Variants in MED13 observed in about 807,000 individuals in gnomAD.
MED13 encodes mediator of RNA polymerase II transcription subunit 13.
Under a neutral mutation model 225.2 loss-of-function variants are expected in MED13, and 23 were observed. The observed-to-expected ratio is 0.10, with a 90% CI of 0.07 to 0.14. MED13 has a LOEUF of 0.14. Among genes scored for constraint, MED13 ranks in the 10% least tolerant of loss-of-function variants. The pLI is 1.00. For synonymous variants in MED13, 942 were observed against 889.2 expected (o/e 1.06, Z -1.06); for missense variants, 2,197 against 2,594.5 (o/e 0.85, Z 3.33).
intron 9 of MED13, among the ~76,000 whole-genome samples, chr17:61,999,624 T>C (rs1413642572): frequency 5.3e-5 from 8 of 152,212 alleles, no homozygotes; most frequent in Non-Finnish European, 1.2e-4. Flanking sequence ...AATTTTACTT[T>C]TACAAACATA....
At position 61,983,039 on chromosome 17, in the gene MED13, A is replaced by G. The variant is rs1452339367; in HGVS notation, c.2964T>C (p.Pro988=). 9 of 1,613,724 alleles carry G rather than the reference A, an allele frequency of 5.6e-6. No individual in the cohort carries two copies. In the South Asian group the frequency reaches 6.6e-5, roughly 12 times the overall value. ...PQTHTSFGMP[P]SSAPPSNSGA... ...CGCTGTTACTAGGAGGTGCACTGCT[A>G]GGAGGCATCCCAAAAGAAGTATGAG... The change falls in exon 16 of 30, where the codon CCT becomes CCC. Residue 988 remains proline (P), a synonymous_variant. Coordinates refer to ENST00000397786, the MANE Select transcript of MED13 (RefSeq NM_005121.3).
intron 20 of MED13, 95 bp from the exon 21 acceptor site, chr17:61,963,066 T>C (rs1178766743): frequency 3.0e-6 from 3 of 989,578 alleles, no homozygotes. Flanking sequence ...CTCCCTCTTT[T>C]TTGGTGAAAG....
intron 8 of MED13, among the ~76,000 whole-genome samples, chr17:62,018,107 T>C (rs1045136775): frequency 6.6e-6 from 1 of 152,180 alleles, no homozygotes; most frequent in Non-Finnish European, 1.5e-5. Context: ...GCTAATACAG[T>C]TGGTACCACT....
chr17:61,997,493 T>A (rs1278459720), intron 9 of MED13, among the ~76,000 whole-genome samples: 2 of 152,098 alleles, frequency 1.3e-5, no homozygotes, highest in Non-Finnish European at 2.9e-5. Flanking sequence ...TACCAAATAT[T>A]CACTAATGCA....
intron 9 of MED13, among the ~76,000 whole-genome samples, chr17:62,001,143 A>G (rs2080391195): frequency 1.3e-5 from 2 of 152,220 alleles, no homozygotes; most frequent in African/African-American, 4.8e-5. Context: ...GTTTGGTAAG[A>G]TTTAGCCTAA....
chr17:61,982,943 A>G lies in MED13; in HGVS notation c.3060T>C (p.Thr1020=). 6.2e-7 allele frequency: 1 copy of G among 1,614,088 alleles called. No individual in the cohort carries two copies. The highest frequency in any genetic ancestry group is 8.5e-7 in the Non-Finnish European group (1 of 1,180,008). ...TAGCAGGTCCACCAGCTCCACGAGG[A>G]GTCCGAGGAGTCCTTGGAGTCCTTG... ...PTPRTPRTPR[T]PRGAGGPASA... Residue 1020 remains threonine, a synonymous_variant, in exon 16 of 30, where the codon ACT becomes ACC. Transcript: ENST00000397786.
chr17:62,030,978 G>C (rs2080750002), intron 6 of MED13: 4 of 152,354 alleles, frequency 2.6e-5, no homozygotes, highest in African/African-American at 7.2e-5. Context: ...ACAGCAATGG[G>C]CTGCTCTGTT....
chr17:62,020,703 T>TTC (rs1555639939), intron 8 of MED13, among the ~76,000 whole-genome samples: 2 of 150,034 alleles, frequency 1.3e-5, no homozygotes, highest in African/African-American at 4.9e-5. Flanking sequence ...TTTTTTTTTT[T>TTC]TTTAATTGAT....
intron 12 of MED13, among the ~76,000 whole-genome samples, chr17:61,986,215 A>G (rs1293423338): frequency 1.3e-5 from 2 of 152,192 alleles, no homozygotes; most frequent in African/African-American, 2.4e-5. Context: ...ATACACAGTA[A>G]AAGTTTATGT....
At chr17:61,953,565 G>A (rs1205276581) in intron 26 of MED13, among the ~76,000 whole-genome samples, 1 of 152,204 alleles carries the variant, frequency 6.6e-6, no homozygotes, top group South Asian at 2.1e-4. Context: ...GCCAAGGAAT[G>A]CAAGTAGCCT....
At chr17:62,015,932 ATATATATATATATATATATATATTTTTTT>A (rs1567979633) in intron 8 of MED13, among the ~76,000 whole-genome samples, 1 of 7,720 alleles carries the variant, frequency 1.3e-4, no homozygotes, top group African/African-American at 2.8e-4. Flanking sequence ...ATATATATAT[ATATATATATATATATATATATATTTTTTT>A]TTTTTTTTTT....
intron 21 of MED13, 125 bp downstream of exon 21, chr17:61,962,626 TA>T: frequency 1.5e-6 from 1 of 679,192 alleles, no homozygotes; most frequent in Non-Finnish European, 2.4e-6. Context: ...GATATTAAAG[TA>T]AAATCAATAT....
At chr17:61,963,166 A>G (rs1603392390) in intron 20 of MED13, among the ~76,000 whole-genome samples, 195 bp from the exon 21 acceptor site, 2 of 149,814 alleles carry the variant, frequency 1.3e-5, no homozygotes, top group East Asian at 3.9e-4. Flanking sequence ...CAGTGTATAA[A>G]GACACTTGCC....
Position 61,992,708 on chromosome 17 carries a change from A to G in MED13, c.2182-87T>C. On this transcript the variant is annotated intron_variant, in intron 10 of 29. Transcript: ENST00000397786. ...ATTATTGAGGAGCTGTGTGTCAGGC[A>G]TCCAGCTAAGTGTTTAACATACATT... 3.4e-6 allele frequency: 3 copies of G among 874,198 alleles called. No homozygotes were observed. The South Asian group carries it at 4.4e-5, about 13-fold the overall frequency. The allele number at this position is 874,198 out of a possible 1,614,324, so 54.2% of individuals were successfully genotyped here. A position where few individuals can be genotyped will look rare whatever the true frequency, so the allele number is the denominator to read the frequency against.
At chr17:62,017,545 A>G (rs774365770) in intron 8 of MED13, among the ~76,000 whole-genome samples, 19 of 152,250 alleles carry the variant, frequency 1.2e-4, no homozygotes, top group Non-Finnish European at 2.6e-4. Context: ...AACTATTTTC[A>G]TAATAGCATC....
At chr17:61,969,636 C>T (rs181348515) in intron 17 of MED13, among the ~76,000 whole-genome samples, 55 of 152,166 alleles carry the variant, frequency 3.6e-4, no homozygotes, top group African/African-American at 1.3e-3. Flanking sequence ...CAGTCTTGCT[C>T]TGTTGCCTAG....
At chr17:61,999,568 A>G (rs1248909619) in intron 9 of MED13, among the ~76,000 whole-genome samples, 2 of 152,180 alleles carry the variant, frequency 1.3e-5, no homozygotes, top group Non-Finnish European at 1.5e-5. Context: ...GCTATGTTCC[A>G]CTCCAACCTC....
rs139926319 is a variant in MED13, at chr17:61,985,191, A to C, written c.2386-101T>G. The C allele has an allele frequency of 1.1e-4, 102 of 960,006 alleles. 1 individual carries two copies. The East Asian group carries it at 2.5e-3, about 23-fold the overall frequency. 59.5% of individuals were successfully genotyped at this position (960,006 alleles called of 1,614,324 possible). ...ACTTAACAGTAAAGCCCATTCATTA[A>C]AAGTAGTATTTTGAATCTGTGATAC... On this transcript the variant is annotated intron_variant, in intron 12 of 29. Transcript: ENST00000397786.
intron 8 of MED13, among the ~76,000 whole-genome samples, chr17:62,024,498 T>C (rs1029777173): frequency 2.0e-5 from 3 of 152,202 alleles, no homozygotes; most frequent in Admixed American, 6.5e-5. Context: ...AACTATTTGA[T>C]AAAAATTCCA....
Sources: allele counts gnomAD v4.1 joint callset (sites outside exome capture counted in the v4.1 genomes callset), GRCh38; gene constraint gnomAD v4.1.1; transcripts MANE v1.5; gene names NCBI Gene and HGNC (gene_info 2026-07-23, HGNC 2026-07-21).